TBX4: variants seen among roughly 807,000 people sequenced by gnomAD.
TBX4 encodes T-box transcription factor TBX4.
In TBX4, 13 loss-of-function variants were observed where a neutral mutation model predicts 54.6. The ratio of observed to expected loss-of-function variants is 0.24; its 90% confidence interval spans 0.15 to 0.38. The LOEUF is 0.38. TBX4 is among the 10% of genes least tolerant of loss of function. TBX4 has a pLI of 1.00. For synonymous variants in TBX4, 314 were observed against 306.7 expected (o/e 1.02, Z -0.25); for missense variants, 631 against 728.5 (o/e 0.87, Z 1.54).
At chr17:61,469,135 G>A (rs1009533986) in intron 5 of TBX4, among the ~76,000 whole-genome samples, 10 of 152,224 alleles carry the variant, frequency 6.6e-5, no homozygotes, top group Non-Finnish European at 1.3e-4. Flanking sequence ...TGTCAGGGCT[G>A]CCAGCTGCAG....
intron 3 of TBX4, chr17:61,463,176 C>G (rs1007610105): frequency 2.5e-4 from 38 of 152,532 alleles, no homozygotes; most frequent in African/African-American, 9.1e-4. Flanking sequence ...CAGAAGCAGT[C>G]CCCCAACTAG....
Position 61,480,393 on chromosome 17 carries a change from C to T in TBX4, c.1021+74C>T, listed in dbSNP as rs945135857. The T allele has an allele frequency of 2.3e-5, 25 of 1,107,516 alleles. No homozygotes were observed. The Admixed American group carries it at 3.4e-4, about 15-fold the overall frequency. The allele number at this position is 1,107,516 out of a possible 1,614,324, so 68.6% of individuals were successfully genotyped here. A position where few individuals can be genotyped will look rare whatever the true frequency, so the allele number is the denominator to read the frequency against. Reference sequence around the variant, plus strand: ...GGTTCTCCCCGAAACCACTCTGCAGCGCCCCCCCCCCCAACACACACACAC... The same window carrying T: ...GGTTCTCCCCGAAACCACTCTGCAGTGCCCCCCCCCCCAACACACACACAC... On this transcript the variant is annotated intron_variant, in intron 8 of 8. Transcript: ENST00000644296. This position sits in a 1 kb window ranked among gnomAD's most constrained non-coding sequence, Gnocchi z 6.2.
rs552135034 is a variant in TBX4, at chr17:61,465,717, A to T, written c.282-102A>T. 1.3e-5 allele frequency: 19 copies of T among 1,494,592 alleles called. No individual in the cohort carries two copies. The South Asian group carries it at 2.0e-4, about 16-fold the overall frequency. 92.6% of individuals were successfully genotyped at this position (1,494,592 alleles called of 1,614,324 possible). Reference sequence around the variant, plus strand: ...GACCAATGCCAGGATCGCTGGCCAAAAGGGCAGCATCTGTTAGCGGCCTTC... The same window carrying T: ...GACCAATGCCAGGATCGCTGGCCAATAGGGCAGCATCTGTTAGCGGCCTTC... On this transcript the variant is annotated intron_variant, in intron 3 of 8. Coordinates refer to ENST00000644296, the MANE Select transcript of TBX4 (RefSeq NM_001321120.2). This position sits in a 1 kb window ranked among gnomAD's most constrained non-coding sequence, Gnocchi z 4.9.
intron 5 of TBX4, among the ~76,000 whole-genome samples, chr17:61,468,820 G>A (rs887648068): frequency 3.9e-5 from 6 of 152,126 alleles, no homozygotes; most frequent in Non-Finnish European, 2.9e-5. Flanking sequence ...CCACCTCCCC[G>A]AGCCCCAAGG....
intron 3 of TBX4, among the ~76,000 whole-genome samples, chr17:61,458,548 G>A (rs996282349): frequency 6.6e-6 from 1 of 152,146 alleles, no homozygotes; most frequent in African/African-American, 2.4e-5. Flanking sequence ...GAAGGAATAA[G>A]ATGATGAAGG....
intron 1 of TBX4, among the ~76,000 whole-genome samples, chr17:61,454,933 A>C (rs936433708): frequency 2.0e-5 from 3 of 152,092 alleles, no homozygotes; most frequent in African/African-American, 7.2e-5. Flanking sequence ...CCCTAGATAT[A>C]GTTGGACCCA....
Position 61,474,044 on chromosome 17 carries a change from G to T in TBX4, c.550-4583G>T, listed in dbSNP as rs1186535138. ...TTGGATGCACCTCTTATCATCCGGG[G>T]TCTCAGTTTTCTTTCTTTCCTTCTT... On this transcript the variant is annotated intron_variant, in intron 5 of 8. Transcript: ENST00000644296. This position sits in a 1 kb window ranked among gnomAD's most constrained non-coding sequence, Gnocchi z 4.6. Among the ~76,000 whole-genome samples the T allele has an allele frequency of 6.6e-6, 1 of 152,176 alleles. No homozygotes were observed. Among genetic ancestry groups the T allele is most frequent in the Admixed American group, 6.5e-5 (1 of 15,280 alleles).
At chr17:61,455,004 AG>A (rs1388971795) in intron 1 of TBX4, among the ~76,000 whole-genome samples, 1 of 152,032 alleles carries the variant, frequency 6.6e-6, no homozygotes, top group Admixed American at 6.5e-5. Context: ...GGGGACTCCT[AG>A]GTTTCCGAGG....
chr17:61,453,590 T>C (rs1289444841), intron 1 of TBX4, among the ~76,000 whole-genome samples: 1 of 152,192 alleles, frequency 6.6e-6, no homozygotes, highest in African/African-American at 2.4e-5. Flanking sequence ...TAATAAGAAG[T>C]ATTGTACCAA....
chr17:61,457,845 G>T lies in TBX4; in HGVS notation c.281+214G>T, dbSNP rs1244787533. Reference sequence around the variant, plus strand: ...CCGCGCGGGCCTTGCGGGAAAGACCGAGGGGAGGGGCAGCGCTATGCAAAT... The same window carrying T: ...CCGCGCGGGCCTTGCGGGAAAGACCTAGGGGAGGGGCAGCGCTATGCAAAT... On this transcript the variant is annotated intron_variant, in intron 3 of 8. Coordinates refer to ENST00000644296, the MANE Select transcript of TBX4 (RefSeq NM_001321120.2). This position sits in a 1 kb window ranked among gnomAD's most constrained non-coding sequence, Gnocchi z 8.2. 6.6e-6 allele frequency among the ~76,000 whole-genome samples: 1 copy of T among 152,212 alleles called. No individual in the cohort carries two copies. The highest frequency in any genetic ancestry group is 1.5e-5 in the Non-Finnish European group (1 of 68,030).
rs2060475662 is a variant in TBX4, at chr17:61,459,086, G to C, written c.281+1455G>C. Among the ~76,000 whole-genome samples the C allele has an allele frequency of 1.3e-5, 2 of 152,260 alleles. No individual in the cohort carries two copies. The highest frequency in any genetic ancestry group is 4.1e-4 in the South Asian group (2 of 4,834). ...AGAAAGTAGGTTTAGTTTAGGGCTTGAGCTTGCTGTATTTTGGGGATGGAG... is the reference window on the plus strand; with the variant it reads ...AGAAAGTAGGTTTAGTTTAGGGCTTCAGCTTGCTGTATTTTGGGGATGGAG... On this transcript the variant is annotated intron_variant, in intron 3 of 8. Coordinates refer to ENST00000644296, the MANE Select transcript of TBX4 (RefSeq NM_001321120.2). This position sits in a 1 kb window ranked among gnomAD's most constrained non-coding sequence, Gnocchi z 4.8.
intron 5 of TBX4, among the ~76,000 whole-genome samples, chr17:61,471,781 A>G (rs1353821356): frequency 6.6e-6 from 1 of 151,856 alleles, no homozygotes; most frequent in African/African-American, 2.4e-5. Context: ...GCTGGAGTGC[A>G]ATGGTGTGAT....
chr17:61,483,644 G>GTGTGTGTGTGTA lies in TBX4; in HGVS notation c.*137_*138insGTATGTGTGTGT. 1 of 1,178,334 alleles carries GTGTGTGTGTGTA rather than the reference G, an allele frequency of 8.5e-7. No individual in the cohort carries two copies. Among genetic ancestry groups the GTGTGTGTGTGTA allele is most frequent in the Non-Finnish European group, 1.2e-6 (1 of 801,776 alleles). 73.0% of individuals were successfully genotyped at this position (1,178,334 alleles called of 1,614,324 possible). A position where few individuals can be genotyped will look rare whatever the true frequency, so the allele number is the denominator to read the frequency against. On this transcript the variant is annotated 3_prime_UTR_variant, in exon 9 of 9. Transcript: ENST00000644296. This position sits in a 1 kb window ranked among gnomAD's most constrained non-coding sequence, Gnocchi z 6.6. ...TGTGTGTGTGTGTGTGTGTGTGTGTGTGTGTGTGTATACACGAGCATGTAT... is the reference window on the plus strand; with the variant it reads ...TGTGTGTGTGTGTGTGTGTGTGTGTGTGTGTGTGTGTATGTGTGTGTATACACGAGCATGTAT...
rs1470819625 is a variant in TBX4, at chr17:61,484,259, C to T, written c.*743C>T. 1 of 151,974 alleles carries T rather than the reference C, an allele frequency of 6.6e-6. No homozygotes were observed. The highest frequency in any genetic ancestry group is 1.9e-4 in the East Asian group (1 of 5,188). The allele number at this position is 151,974 out of a possible 1,614,324, so 9.4% of individuals were successfully genotyped here. ...CCTTCAAGAGGAGGGAAAATGCAAC[C>T]AGTAGCATCTCTGTCATCATTCAGA... On this transcript the variant is annotated 3_prime_UTR_variant, in exon 9 of 9. Coordinates refer to ENST00000644296, the MANE Select transcript of TBX4 (RefSeq NM_001321120.2). The surrounding 1 kb of genome is among the most constrained non-coding windows in gnomAD (Gnocchi z 4.1).
In TBX4 at chr17:61,457,356, A is replaced by G. The variant is rs1480182597; in HGVS notation, c.187-181A>G. ...AGCTTTAAAGGAGGAAGTTTTAGCC[A>G]CCGATTAATTCTTTTATATTCACGA... On this transcript the variant is annotated intron_variant, in intron 2 of 8. Coordinates refer to ENST00000644296, the MANE Select transcript of TBX4 (RefSeq NM_001321120.2). The surrounding 1 kb of genome is among the most constrained non-coding windows in gnomAD (Gnocchi z 8.2). Among the ~76,000 whole-genome samples the G allele has an allele frequency of 6.6e-6, 1 of 152,150 alleles. No homozygotes were observed. Among genetic ancestry groups the G allele is most frequent in the Non-Finnish European group, 1.5e-5 (1 of 68,020 alleles).
At position 61,464,979 on chromosome 17, in the gene TBX4, T is replaced by C. The variant is rs1369862141; in HGVS notation, c.282-840T>C. 6.6e-6 allele frequency among the ~76,000 whole-genome samples: 1 copy of C among 152,192 alleles called. No homozygotes were observed. The highest frequency in any genetic ancestry group is 2.4e-5 in the African/African-American group (1 of 41,436). On this transcript the variant is annotated intron_variant, in intron 3 of 8. Transcript: ENST00000644296. The surrounding 1 kb of genome is among the most constrained non-coding windows in gnomAD (Gnocchi z 5.8). ...GGAGTGCAGCAGGGGTCCGTGGTAA[T>C]TCACGCAGCAATCTATGAGATAGGT...
chr17:61,452,917 A>G (rs1266296720), intron 1 of TBX4: 1 of 985,296 alleles, frequency 1.0e-6, no homozygotes, highest in African/African-American at 1.7e-5. Context: ...TGGCCTGGAA[A>G]TTGGTGTTTG....
chr17:61,467,537 C>T lies in TBX4; in HGVS notation c.429C>T (p.Ala143=), dbSNP rs1346520513. The T allele has an allele frequency of 6.2e-7, 1 of 1,614,178 alleles. No individual in the cohort carries two copies. The highest frequency in any genetic ancestry group is 2.2e-5 in the East Asian group (1 of 44,880). The change falls in exon 5 of 9, where the codon GCC becomes GCT. Residue 143 remains alanine (A), a synonymous_variant. Transcript: ENST00000644296. The stretch of plus-strand genomic sequence containing the variant: ...TGGTGGCAGGGAAGGCTGAGCCAGC[C>T]ATGCCAGGAAGGCTGTATGTCCACC... ...KWMVAGKAEP[A]MPGRLYVHPD... is the part of the protein sequence containing the mutation.
At position 61,461,525 on chromosome 17, in the gene TBX4, G is replaced by A. The variant is rs182831796; in HGVS notation, c.281+3894G>A. On this transcript the variant is annotated intron_variant, in intron 3 of 8. Transcript: ENST00000644296. This position sits in a 1 kb window ranked among gnomAD's most constrained non-coding sequence, Gnocchi z 5.1. ...GGACCCCTGCCATTTCACTGCTGTA[G>A]GGTTCTTTTCAGACTCTGAGCTCCA... Among the ~76,000 whole-genome samples the A allele has an allele frequency of 3.8e-3, 575 of 152,264 alleles. 3 individuals carry two copies. The Middle Eastern group carries it at 0.048, about 13-fold the overall frequency.
Sources: gnomAD v4.1 joint callset for allele counts (sites outside exome capture counted in the v4.1 genomes callset) on GRCh38, gnomAD v4.1.1 for gene constraint, Gnocchi (gnomAD v3.1) non-coding constraint, MANE v1.5 for transcripts, NCBI Gene and HGNC (gene_info 2026-07-23, HGNC 2026-07-21) for gene names.